NCKAP5: variants seen among roughly 807,000 people sequenced by gnomAD.
The protein encoded by NCKAP5 is nck-associated protein 5.
Under a neutral mutation model 167.0 loss-of-function variants are expected in NCKAP5, and 92 were observed. That is an observed-to-expected ratio of 0.55 (90% confidence interval 0.47 to 0.66). The LOEUF (loss-of-function observed/expected upper bound fraction) is 0.66. NCKAP5 is among the 30% of genes least tolerant of loss of function. NCKAP5 has a pLI of 0.00. For missense variants in NCKAP5, 2,378 were observed against 2,315.0 expected, an observed-to-expected ratio of 1.03 and a Z score of -0.56; for synonymous variants, 891 against 877.4, an observed-to-expected ratio of 1.02 and a Z score of -0.27.
At chr2:133,547,998 T>C in intron 2 of NCKAP5, among the ~76,000 whole-genome samples, 1 of 146,920 alleles carries the variant, frequency 6.8e-6, no homozygotes, top group East Asian at 2.3e-4. Flanking sequence ...TAGAAGAATG[T>C]ATGACTAGAA....
rs1389754448 is a variant in NCKAP5, at chr2:133,357,440, A to T, written c.70-54330T>A. Among the ~76,000 whole-genome samples the T allele has an allele frequency of 2.6e-5, 4 of 152,174 alleles. No individual in the cohort carries two copies. The East Asian group carries it at 7.7e-4, about 29-fold the overall frequency. ...TTTCTGCTTGAAAGCAAATAAATGG[A>T]GTAAATCAGTCCCAAAAATTAGAAT... On this transcript the variant is annotated intron_variant, in intron 3 of 19. Transcript: ENST00000409261.
chr2:132,851,662 C>G (rs1689090369), intron 11 of NCKAP5, among the ~76,000 whole-genome samples: 1 of 152,144 alleles, frequency 6.6e-6, no homozygotes, highest in Non-Finnish European at 1.5e-5. Context: ...ATCTACCCTC[C>G]CCTCCCTTCC....
the NCKAP5 span, among the ~76,000 whole-genome samples, chr2:133,577,967 C>T: frequency 6.6e-6 from 1 of 152,166 alleles, no homozygotes; most frequent in Non-Finnish European, 1.5e-5. Context: ...CCAGCTCCAG[C>T]ACTGAAAGTC....
chr2:132,771,839 A>ATTTTTTTTTTT (rs70973406), intron 16 of NCKAP5, among the ~76,000 whole-genome samples: 199 of 100,776 alleles, frequency 2.0e-3, no homozygotes, highest in Middle Eastern at 5.7e-3. Flanking sequence ...CGCCCGGCTA[A>ATTTTTTTTTTT]TTTTTTTTTT....
In NCKAP5 at chr2:133,512,547, G is replaced by A. The variant is rs542897013; in HGVS notation, c.69+4911C>T. Among the ~76,000 whole-genome samples, 16 of 152,348 alleles carry A rather than the reference G, an allele frequency of 1.1e-4. No homozygotes were observed. The East Asian group carries it at 2.7e-3, about 26-fold the overall frequency. ...CTTCCTACAACAAAGGTGAGCAGTT[G>A]TAACTACTCACGTGGCCTGCAGAGC... is the stretch of plus-strand genomic sequence containing the variant. On this transcript the variant is annotated intron_variant, in intron 3 of 19. Coordinates refer to ENST00000409261, the MANE Select transcript of NCKAP5 (RefSeq NM_207363.3).
At chr2:133,335,631 T>C (rs1683161199) in intron 3 of NCKAP5, among the ~76,000 whole-genome samples, 1 of 152,212 alleles carries the variant, frequency 6.6e-6, no homozygotes, top group Admixed American at 6.5e-5. Flanking sequence ...TGATGATATA[T>C]TGATTGTACA....
intron 8 of NCKAP5, among the ~76,000 whole-genome samples, chr2:132,937,923 T>A (rs914711002): frequency 2.6e-5 from 4 of 152,224 alleles, no homozygotes; most frequent in African/African-American, 9.6e-5. Flanking sequence ...TAAATGCTGA[T>A]GCACTGCCAT....
chr2:132,717,554 T>C (rs946553932), intron 19 of NCKAP5, among the ~76,000 whole-genome samples: 4 of 152,230 alleles, frequency 2.6e-5, no homozygotes, highest in Non-Finnish European at 5.9e-5. Flanking sequence ...GCAGCGTTTT[T>C]AAAATTCATC....
chr2:133,382,464 A>T (rs1686596331), intron 3 of NCKAP5, among the ~76,000 whole-genome samples: 1 of 152,124 alleles, frequency 6.6e-6, no homozygotes, highest in Non-Finnish European at 1.5e-5. Context: ...TCAAGTCCCT[A>T]CAGGATCTGA....
At chr2:133,504,973 GACAA>G (rs1682872910) in intron 3 of NCKAP5, among the ~76,000 whole-genome samples, 1 of 152,114 alleles carries the variant, frequency 6.6e-6, no homozygotes, top group East Asian at 1.9e-4. Context: ...GAAGGCATAA[GACAA>G]ACAAAGGAGG....
At chr2:133,140,107 A>C (rs891812641) in intron 5 of NCKAP5, among the ~76,000 whole-genome samples, 5 of 152,192 alleles carry the variant, frequency 3.3e-5, no homozygotes, top group Admixed American at 2.0e-4. Context: ...CTTTGTTGTC[A>C]TGTTAATTGA....
At chr2:133,079,418 A>C (rs1428830246) in intron 6 of NCKAP5, among the ~76,000 whole-genome samples, 1 of 152,140 alleles carries the variant, frequency 6.6e-6, no homozygotes, top group Non-Finnish European at 1.5e-5. Context: ...AAATACTTTA[A>C]TATTTGAATG....
rs186363821 is a variant in NCKAP5, at chr2:133,021,208, G to A, written c.342-26969C>T. On this transcript the variant is annotated intron_variant, in intron 6 of 19. Transcript: ENST00000409261. ...TACCCTTAGAGGAAAAGCAGGTTAC[G>A]GCATGCAGAGATTATATTGGAAAGA... 2.1e-3 allele frequency among the ~76,000 whole-genome samples: 314 copies of A among 152,206 alleles called. 1 individual carries two copies. Among genetic ancestry groups the A allele is most frequent in the African/African-American group, 6.8e-3 (281 of 41,512 alleles).
intron 3 of NCKAP5, among the ~76,000 whole-genome samples, chr2:133,468,556 T>C (rs1307587846): frequency 2.0e-5 from 3 of 152,126 alleles, no homozygotes; most frequent in Admixed American, 6.5e-5. Context: ...GTTCAATTCC[T>C]GGGTATCCTT....
At chr2:132,878,788 C>G in intron 9 of NCKAP5, 60 bp downstream of exon 9, 3 of 1,244,348 alleles carry the variant, frequency 2.4e-6, no homozygotes, top group Admixed American at 3.5e-5. Flanking sequence ...ATTTTGAGAT[C>G]AGATTAAGGG....
chr2:132,966,327 T>C (rs1018973896), intron 7 of NCKAP5, among the ~76,000 whole-genome samples: 4 of 152,174 alleles, frequency 2.6e-5, no homozygotes, highest in Admixed American at 6.5e-5. Flanking sequence ...CTCGAACTCC[T>C]GACCTCAGGT....
chr2:133,165,919 A>C (rs992584996), intron 5 of NCKAP5, among the ~76,000 whole-genome samples: 1 of 152,206 alleles, frequency 6.6e-6, no homozygotes, highest in African/African-American at 2.4e-5. Context: ...GGTGAATTCC[A>C]TTAGCATTCC....
chr2:133,371,199 A>C (rs1574820871), intron 3 of NCKAP5, among the ~76,000 whole-genome samples: 1 of 152,198 alleles, frequency 6.6e-6, no homozygotes, highest in East Asian at 1.9e-4. Flanking sequence ...TGCACCAACA[A>C]ATTTTTGTGC....
chr2:133,501,314 T>C (rs1219477194), intron 3 of NCKAP5, among the ~76,000 whole-genome samples: 1 of 152,218 alleles, frequency 6.6e-6, no homozygotes, highest in Non-Finnish European at 1.5e-5. Context: ...TGCAGAAGCT[T>C]GTGATCTAAA....
Sources: gnomAD v4.1 joint callset for allele counts (sites outside exome capture counted in the v4.1 genomes callset) on GRCh38, gnomAD v4.1.1 for gene constraint, MANE v1.5 for transcripts, NCBI Gene and HGNC (gene_info 2026-07-23, HGNC 2026-07-21) for gene names.